The following SNX6 variants were observed in gnomAD, a reference collection of about 807,000 sequenced individuals.
SNX6 encodes sorting nexin-6.
SNX6 carries 34 observed loss-of-function variants against 63.0 expected under a neutral mutation model. The ratio of observed to expected loss-of-function variants is 0.54; its 90% CI spans 0.41 to 0.72. The LOEUF (loss-of-function observed/expected upper bound fraction) is 0.72. Ranked by LOEUF, SNX6 falls within the 30% of genes least tolerant of loss-of-function variation. The probability of loss-of-function intolerance (pLI) is 0.00; values close to 1 mark genes in which losing one functional copy is unlikely to be tolerated. For synonymous variants in SNX6, 170 were observed against 164.2 expected (o/e 1.04, Z -0.27); for missense variants, 398 against 471.4 (o/e 0.84, Z 1.44).
At chr14:34,587,008 C>CAAAAAAAA (rs71121211) in intron 8 of SNX6, among the ~76,000 whole-genome samples, 4 of 50,122 alleles carry the variant, frequency 8.0e-5, no homozygotes, top group Non-Finnish European at 1.4e-4. Context: ...GACTCTGTCT[C>CAAAAAAAA]AAAAAAAAAA....
intron 10 of SNX6, among the ~76,000 whole-genome samples, chr14:34,576,564 G>A (rs1210780754): frequency 2.0e-5 from 3 of 150,720 alleles, no homozygotes; most frequent in Non-Finnish European, 3.0e-5. Flanking sequence ...TTCTCCTGCC[G>A]CAGCCTCCCG....
chr14:34,579,119 T>C (rs1049445161), intron 10 of SNX6, among the ~76,000 whole-genome samples: 1 of 151,970 alleles, frequency 6.6e-6, no homozygotes, highest in Admixed American at 6.6e-5. Context: ...AGTTTTGCAG[T>C]TTCTGCTGAA....
At chr14:34,601,872 G>A (rs1882828952) in intron 6 of SNX6, among the ~76,000 whole-genome samples, 2 of 151,768 alleles carry the variant, frequency 1.3e-5, no homozygotes, top group African/African-American at 4.8e-5. Flanking sequence ...TGGGATTACA[G>A]GTTACAGGCA....
Position 34,605,654 on chromosome 14 carries a change from C to T in SNX6, c.334G>A (p.Glu112Lys), listed in dbSNP as rs2092143811. The change falls in exon 5 of 14, where the codon GAA (glutamate) becomes AAA (lysine). Residue 112 changes from glutamate (E) to lysine (K), a missense_variant. Coordinates refer to ENST00000362031, the MANE Select transcript of SNX6 (RefSeq NM_152233.4). Reference protein sequence around the residue: ...ASREKLQKLGEGEGSMTKEEF... With the variant: ...ASREKLQKLGKGEGSMTKEEF... ...TCCTTCGTCATTGACCCTTCTCCTT[C>T]ACCAAGCTTCTGTAGTTTTTCCCTT... 6.2e-7 allele frequency: 1 copy of T among 1,611,338 alleles called. No homozygotes were observed. The highest frequency in any genetic ancestry group is 8.5e-7 in the Non-Finnish European group (1 of 1,178,916).
At chr14:34,629,556 G>C (rs1278282055) in intron 2 of SNX6, 1 of 563,892 alleles carries the variant, frequency 1.8e-6, no homozygotes, top group Non-Finnish European at 3.4e-6. Flanking sequence ...TCCGAGAATG[G>C]GTTTTCATGG....
intron 11 of SNX6, among the ~76,000 whole-genome samples, chr14:34,571,249 C>T (rs929714093): frequency 4.6e-5 from 7 of 151,024 alleles, no homozygotes; most frequent in Admixed American, 4.0e-4. Flanking sequence ...CTGGCTAAAA[C>T]GGTGAAACCC....
intron 5 of SNX6, chr14:34,604,386 TCTG>T (rs1487319252): frequency 1.2e-6 from 1 of 869,098 alleles, no homozygotes; most frequent in African/African-American, 1.8e-5. Context: ...TATATATCTG[TCTG>T]CTATCAGACC....
chr14:34,613,329 T>C (rs189342575), intron 2 of SNX6, among the ~76,000 whole-genome samples: 8 of 152,338 alleles, frequency 5.3e-5, no homozygotes, highest in Non-Finnish European at 1.0e-4. Context: ...TTATGTAGTT[T>C]TAAGCCATCA....
rs1880977515 is a variant in SNX6, at chr14:34,562,612, C to CT, written c.*509dup. 1 of 152,664 alleles carries CT rather than the reference C, an allele frequency of 6.6e-6. No individual in the cohort carries two copies. The highest frequency in any genetic ancestry group is 1.5e-5 in the Non-Finnish European group (1 of 68,112). 9.5% of individuals were successfully genotyped at this position (152,664 alleles called of 1,614,324 possible). A position where few individuals can be genotyped will look rare whatever the true frequency, so the allele number is the denominator to read the frequency against. On this transcript the variant is annotated 3_prime_UTR_variant, in exon 14 of 14. Transcript: ENST00000362031. ...TTACATAAAATCTGTCCCAAAACGT[C>CT]TAAGAAATATTCAGTAATTAAAAAT...
chr14:34,628,442 G>C (rs565400692), intron 2 of SNX6, among the ~76,000 whole-genome samples: 72 of 152,234 alleles, frequency 4.7e-4, no homozygotes, highest in Non-Finnish European at 8.4e-4. Context: ...CTGGGTGACA[G>C]AGCAAGACTC....
In SNX6 at chr14:34,625,455, G is replaced by A. The variant is rs1442767481; in HGVS notation, c.54+4452C>T. Among the ~76,000 whole-genome samples, 5 of 152,194 alleles carry A rather than the reference G, an allele frequency of 3.3e-5. No individual in the cohort carries two copies. In the East Asian group the frequency reaches 7.7e-4, roughly 24 times the overall value. On this transcript the variant is annotated intron_variant, in intron 2 of 13. Coordinates refer to ENST00000362031, the MANE Select transcript of SNX6 (RefSeq NM_152233.4). ...CTGGTCAAAAAAGCAGTTATCGGCC[G>A]GGCGCGGTGGCTCACACCTGTAATC...
At chr14:34,581,663 G>C (rs1186688470) in intron 9 of SNX6, 63 bp from the exon 10 acceptor site, 1 of 1,006,086 alleles carries the variant, frequency 9.9e-7, no homozygotes. Flanking sequence ...TCAAATGTAT[G>C]AGAATATGCT....
chr14:34,604,847 G>A lies in SNX6; in HGVS notation c.392+749C>T, dbSNP rs551476514. ...GGGATGCTCAACCAGTAAGTATAAT[G>A]CAAATACTCCAAAAAAAAAAAATTA... On this transcript the variant is annotated intron_variant, in intron 5 of 13. Transcript: ENST00000362031. 2.2e-3 allele frequency among the ~76,000 whole-genome samples: 192 copies of A among 87,160 alleles called. 1 individual carries two copies. The highest frequency in any genetic ancestry group is 3.9e-3 in the Non-Finnish European group (163 of 42,010). 57.2% of individuals were successfully genotyped at this position (87,160 alleles called of 152,430 possible).
chr14:34,585,486 C>G (rs1882115923), intron 9 of SNX6, among the ~76,000 whole-genome samples: 1 of 152,142 alleles, frequency 6.6e-6, no homozygotes, highest in Non-Finnish European at 1.5e-5. Context: ...TGCCACTGCA[C>G]TCCAGCCTGG....
intron 10 of SNX6, among the ~76,000 whole-genome samples, chr14:34,580,292 T>C (rs1301634599): frequency 1.3e-5 from 2 of 152,188 alleles, no homozygotes; most frequent in Non-Finnish European, 2.9e-5. Flanking sequence ...TCTGGGTTGC[T>C]GGTAATTTTC....
At chr14:34,580,440 T>G (rs1404110685) in intron 10 of SNX6, among the ~76,000 whole-genome samples, 1 of 151,108 alleles carries the variant, frequency 6.6e-6, no homozygotes, top group African/African-American at 2.4e-5. Context: ...TAGTTAGGAC[T>G]ACAGTTGTGC....
At chr14:34,569,002 T>C in intron 11 of SNX6, 1 of 1,467,440 alleles carries the variant, frequency 6.8e-7, no homozygotes, top group East Asian at 2.3e-5. Context: ...AAGCTCTTTG[T>C]GCTTGGCCAG....
At chr14:34,583,429 AT>A (rs777842190) in intron 9 of SNX6, among the ~76,000 whole-genome samples, 1 of 73,756 alleles carries the variant, frequency 1.4e-5, no homozygotes, top group Non-Finnish European at 3.0e-5. Context: ...TTGGTTATTC[AT>A]TTTTTTCTTT....
chr14:34,566,317 A>G lies in SNX6; in HGVS notation c.1167+1369T>C, dbSNP rs1881180870. Among the ~76,000 whole-genome samples, 3 of 152,108 alleles carry G rather than the reference A, an allele frequency of 2.0e-5. No individual in the cohort carries two copies. The South Asian group carries it at 6.2e-4, about 31-fold the overall frequency. ...AGCCTCTGCCTCCTGGGTTTAAGCA[A>G]CTGTCCTGCCTCAGCCTCCCAAGTA... On this transcript the variant is annotated intron_variant, in intron 13 of 13. Coordinates refer to ENST00000362031, the MANE Select transcript of SNX6 (RefSeq NM_152233.4).
Sources: allele counts gnomAD v4.1 joint callset (sites outside exome capture counted in the v4.1 genomes callset), GRCh38; gene constraint gnomAD v4.1.1; transcripts MANE v1.5; gene names NCBI Gene and HGNC (gene_info 2026-07-23, HGNC 2026-07-21).